The following RAB3GAP2 variants were observed in gnomAD, a reference collection of about 807,000 sequenced individuals.
The protein encoded by RAB3GAP2 is rab3 GTPase-activating protein non-catalytic subunit.
Under a neutral mutation model 185.3 loss-of-function variants are expected in RAB3GAP2, and 87 were observed. That is an observed-to-expected ratio of 0.47 (90% CI 0.39 to 0.56). The LOEUF (loss-of-function observed/expected upper bound fraction) is 0.56, where lower values mean the gene tolerates loss of function less well. Ranked by LOEUF, RAB3GAP2 falls within the 20% of genes least tolerant of loss-of-function variation. The pLI, the probability that RAB3GAP2 is intolerant of heterozygous loss-of-function variation, is 0.00. For synonymous variants in RAB3GAP2, 554 were observed against 576.1 expected (o/e 0.96, Z 0.55); for missense variants, 1,492 against 1,638.2 (o/e 0.91, Z 1.54).
intron 1 of RAB3GAP2, among the ~76,000 whole-genome samples, chr1:220,257,345 T>C (rs1384388451): frequency 2.0e-5 from 3 of 151,784 alleles, no homozygotes; most frequent in Non-Finnish European, 4.4e-5. Context: ...GCCACTGCAC[T>C]TCAGCCTGGG....
chr1:220,253,571 T>C (rs1659978172), intron 1 of RAB3GAP2: 7 of 1,585,540 alleles, frequency 4.4e-6, no homozygotes, highest in East Asian at 2.2e-5. Context: ...CACTTATAAA[T>C]GGCGCGGAAG....
chr1:220,162,377 CA>C, intron 27 of RAB3GAP2, 109 bp from the exon 28 acceptor site: 1 of 715,930 alleles, frequency 1.4e-6, no homozygotes, highest in East Asian at 2.8e-5. Flanking sequence ...ATTTTGATTT[CA>C]TTTTTTATAT....
At chr1:220,202,774 T>A (rs914168254) in intron 8 of RAB3GAP2, among the ~76,000 whole-genome samples, 31 of 151,912 alleles carry the variant, frequency 2.0e-4, no homozygotes, top group African/African-American at 7.3e-4. Flanking sequence ...GAAACCCCAT[T>A]TCTAGTAAAA....
At chr1:220,253,868 G>T (rs914157377) in intron 1 of RAB3GAP2, 23 of 1,613,200 alleles carry the variant, frequency 1.4e-5, no homozygotes, top group African/African-American at 9.3e-5. Flanking sequence ...AAGACATCTG[G>T]TCTGCAACAG....
Position 220,153,344 on chromosome 1 carries a change from A to G in RAB3GAP2, c.3708T>C (p.Asp1236=). The G allele has an allele frequency of 6.2e-7, 1 of 1,614,162 alleles. No individual in the cohort carries two copies. The highest frequency in any genetic ancestry group is 1.1e-5 in the South Asian group (1 of 91,082). ...GAGTGGGTGTGGCCTCTTCTGTGGG[A>G]TCTTTGACCTTTGTGGCTGAATGTT... ...QAQHSATKVK[D]PTEEATPTPF... Residue 1236 remains aspartate, a synonymous_variant, in exon 33 of 35, where the codon GAT becomes GAC. Transcript: ENST00000358951.
intron 2 of RAB3GAP2, among the ~76,000 whole-genome samples, chr1:220,224,039 A>G (rs1489624323): frequency 6.7e-6 from 1 of 150,088 alleles, no homozygotes; most frequent in Non-Finnish European, 1.5e-5. Context: ...AGGAAAATGT[A>G]TATATCTTTT....
chr1:220,207,785 G>A (rs77556655), intron 7 of RAB3GAP2: 10,493 of 152,310 alleles, frequency 0.069, 481 homozygotes, highest in South Asian at 0.12. Flanking sequence ...TAGACACTGT[G>A]CTAGATGACA....
intron 1 of RAB3GAP2, among the ~76,000 whole-genome samples, chr1:220,239,760 G>A (rs899594602): frequency 6.6e-6 from 1 of 152,008 alleles, no homozygotes; most frequent in African/African-American, 2.4e-5. Context: ...GGCTTGATAT[G>A]CATTAAAGGA....
intron 21 of RAB3GAP2, among the ~76,000 whole-genome samples, chr1:220,175,263 G>A (rs1658265226): frequency 6.6e-6 from 1 of 151,644 alleles, no homozygotes; most frequent in East Asian, 1.9e-4. Context: ...GTCTCACTCT[G>A]TTATTTAGGT....
At chr1:220,216,305 T>C (rs1162674767) in intron 2 of RAB3GAP2, among the ~76,000 whole-genome samples, 1 of 152,250 alleles carries the variant, frequency 6.6e-6, no homozygotes, top group Non-Finnish European at 1.5e-5. Flanking sequence ...TGTATCTAGC[T>C]TGTTGTTTTT....
At chr1:220,213,729 A>T in intron 3 of RAB3GAP2, 127 bp downstream of exon 3, 1 of 637,310 alleles carries the variant, frequency 1.6e-6, no homozygotes, top group Non-Finnish European at 2.3e-6. Flanking sequence ...GCGGAGGAGG[A>T]GTTGGGGGGG....
At chr1:220,237,088 C>T (rs1324118375) in intron 1 of RAB3GAP2, among the ~76,000 whole-genome samples, 1 of 152,012 alleles carries the variant, frequency 6.6e-6, no homozygotes, top group Non-Finnish European at 1.5e-5. Flanking sequence ...ATTTGAAAGC[C>T]CTAAGCTCTG....
At chr1:220,199,780 T>C (rs1658807809) in intron 9 of RAB3GAP2, among the ~76,000 whole-genome samples, 1 of 152,204 alleles carries the variant, frequency 6.6e-6, no homozygotes, top group East Asian at 1.9e-4. Context: ...AATTCTTTCC[T>C]TCCTCTTGTT....
intron 1 of RAB3GAP2, among the ~76,000 whole-genome samples, chr1:220,264,149 TTTA>T (rs926514040): frequency 2.6e-5 from 4 of 152,086 alleles, no homozygotes; most frequent in Admixed American, 1.3e-4. Flanking sequence ...AACACAGATT[TTTA>T]TTATTATCAG....
At chr1:220,197,106 C>T (rs1658743487) in intron 9 of RAB3GAP2, among the ~76,000 whole-genome samples, 1 of 151,786 alleles carries the variant, frequency 6.6e-6, no homozygotes, top group Admixed American at 6.6e-5. Flanking sequence ...CTTGCCTCAG[C>T]CTCCCCGAAT....
chr1:220,172,753 A>G lies in RAB3GAP2; in HGVS notation c.2311-11T>C. 6.3e-7 allele frequency: 1 copy of G among 1,582,044 alleles called. No individual in the cohort carries two copies. Among genetic ancestry groups the G allele is most frequent in the African/African-American group, 1.3e-5 (1 of 74,314 alleles). ...ACTCAGGAGCAGAGACTGAAATCAA[A>G]TTTAAATCTTTTTCAGTCTAAAAAA... On this transcript the variant is annotated splice_polypyrimidine_tract_variant and intron_variant, in intron 21 of 34. Coordinates refer to ENST00000358951, the MANE Select transcript of RAB3GAP2 (RefSeq NM_012414.4).
intron 1 of RAB3GAP2, among the ~76,000 whole-genome samples, chr1:220,235,098 T>C (rs1163604915): frequency 6.6e-6 from 1 of 152,186 alleles, no homozygotes; most frequent in Non-Finnish European, 1.5e-5. Context: ...TCCTAAGTAT[T>C]AGACTACATG....
At chr1:220,254,335 C>T in intron 1 of RAB3GAP2, 1 of 1,613,530 alleles carries the variant, frequency 6.2e-7, no homozygotes, top group Non-Finnish European at 8.5e-7. Context: ...ACCCATGTCC[C>T]AGGTGTATGG....
intron 9 of RAB3GAP2, among the ~76,000 whole-genome samples, chr1:220,201,877 A>C (rs1398361927): frequency 1.3e-5 from 2 of 152,102 alleles, no homozygotes; most frequent in Non-Finnish European, 2.9e-5. Flanking sequence ...ATTTTTTCAC[A>C]TAAGAATAAA....
Sources: allele counts gnomAD v4.1 joint callset (sites outside exome capture counted in the v4.1 genomes callset), GRCh38; gene constraint gnomAD v4.1.1; transcripts MANE v1.5; gene names NCBI Gene and HGNC (gene_info 2026-07-23, HGNC 2026-07-21).